OR2L13: variants seen among roughly 807,000 people sequenced by gnomAD.
The protein encoded by OR2L13 is olfactory receptor family 2 subfamily L member 13.
OR2L13 carries 14 observed loss-of-function variants against 15.3 expected under a neutral mutation model. That is an observed-to-expected ratio of 0.91 (90% CI 0.60 to 1.43). The LOEUF (loss-of-function observed/expected upper bound fraction) is 1.43, where lower values mean the gene tolerates loss of function less well. OR2L13 is among the 40% of genes most tolerant of loss of function. The pLI is 0.00. For synonymous variants in OR2L13, 152 were observed against 142.9 expected (o/e 1.06, Z -0.45); for missense variants, 367 against 387.9 (o/e 0.95, Z 0.45).
At chr1:247,943,156 A>G in the OR2L13 span, among the ~76,000 whole-genome samples, 1 of 152,244 alleles carries the variant, frequency 6.6e-6, no homozygotes, top group South Asian at 2.1e-4. Context: ...TAATGTTGCT[A>G]TAAACATGGG....
the OR2L13 span, among the ~76,000 whole-genome samples, chr1:248,008,075 G>T: frequency 2.6e-5 from 4 of 152,268 alleles, no homozygotes; most frequent in African/African-American, 9.6e-5. Flanking sequence ...AAGCTATAAA[G>T]ATTCCTCCAG....
the OR2L13 span, among the ~76,000 whole-genome samples, chr1:247,991,669 T>C: frequency 2.7e-5 from 4 of 149,516 alleles, no homozygotes; most frequent in Non-Finnish European, 4.4e-5. Context: ...GCCACTGGTA[T>C]TCTCGTGCAA....
the OR2L13 span, among the ~76,000 whole-genome samples, chr1:247,947,235 G>A: frequency 3.9e-5 from 6 of 152,114 alleles, no homozygotes; most frequent in South Asian, 1.2e-3. Context: ...CTGAAGAAAG[G>A]AATTTTGATC....
chr1:248,100,110 T>G, exon 3 of OR2L13: 1 of 1,614,106 alleles, frequency 6.2e-7, no homozygotes, highest in South Asian at 1.1e-5. Flanking sequence ...CACATTTAAC[T>G]GTAGTGATCT....
At chr1:248,078,168 A>G in the OR2L13 span, among the ~76,000 whole-genome samples, 1 of 152,184 alleles carries the variant, frequency 6.6e-6, no homozygotes, top group African/African-American at 2.4e-5. Context: ...GGTATTTCAA[A>G]AATTGCTAGT....
the OR2L13 span, among the ~76,000 whole-genome samples, chr1:248,027,680 C>A: frequency 1.8e-4 from 28 of 152,018 alleles, no homozygotes; most frequent in Non-Finnish European, 3.7e-4. Context: ...ATATATTGGG[C>A]CTAAAAATAA....
chr1:248,061,610 G>A, the OR2L13 span: 3 of 1,610,460 alleles, frequency 1.9e-6, no homozygotes, highest in African/African-American at 4.0e-5. Flanking sequence ...ATCTGCTCTG[G>A]GAAAATGTAG....
chr1:247,986,116 A>G, the OR2L13 span, among the ~76,000 whole-genome samples: 1 of 152,122 alleles, frequency 6.6e-6, no homozygotes, highest in Admixed American at 6.5e-5. Flanking sequence ...TAGTTTAATT[A>G]GATCCCATTT....
At chr1:248,079,063 A>C in the OR2L13 span, among the ~76,000 whole-genome samples, 3 of 151,972 alleles carry the variant, frequency 2.0e-5, no homozygotes, top group Non-Finnish European at 4.4e-5. Context: ...ATTGGGGCGA[A>C]GGTTACATAA....
At chr1:248,029,865 C>T in the OR2L13 span, among the ~76,000 whole-genome samples, 1 of 152,084 alleles carries the variant, frequency 6.6e-6, no homozygotes, top group African/African-American at 2.4e-5. Flanking sequence ...TTGAATTTAC[C>T]CTTGACATGC....
At chr1:247,985,532 C>T in the OR2L13 span, among the ~76,000 whole-genome samples, 1 of 152,116 alleles carries the variant, frequency 6.6e-6, no homozygotes, top group Non-Finnish European at 1.5e-5. Flanking sequence ...GGATTGGTTC[C>T]AAGTCTTTGC....
At chr1:248,050,457 C>T in the OR2L13 span, among the ~76,000 whole-genome samples, 2 of 152,092 alleles carry the variant, frequency 1.3e-5, no homozygotes, top group South Asian at 2.1e-4. Context: ...CTGTCAGGAA[C>T]CAGCCTTTAA....
chr1:247,941,683 T>C, the OR2L13 span, among the ~76,000 whole-genome samples: 1 of 151,770 alleles, frequency 6.6e-6, no homozygotes, highest in Non-Finnish European at 1.5e-5. Flanking sequence ...AGAGAGACCT[T>C]GTCATGAAAG....
At chr1:247,996,187 T>C in the OR2L13 span, among the ~76,000 whole-genome samples, 1 of 152,222 alleles carries the variant, frequency 6.6e-6, no homozygotes, top group Non-Finnish European at 1.5e-5. Flanking sequence ...CCATGGGCAA[T>C]TGAACCCTGT....
chr1:247,985,421 C>G, the OR2L13 span, among the ~76,000 whole-genome samples: 1 of 152,156 alleles, frequency 6.6e-6, no homozygotes, highest in African/African-American at 2.4e-5. Context: ...TCATCCATGT[C>G]CCTACAAAGG....
the OR2L13 span, among the ~76,000 whole-genome samples, chr1:247,978,835 C>T: frequency 5.9e-5 from 9 of 151,804 alleles, no homozygotes; most frequent in Non-Finnish European, 1.0e-4. Context: ...ACAGGCCACT[C>T]GGACCTGTCT....
At chr1:248,061,052 C>G in the OR2L13 span, 1 of 1,614,088 alleles carries the variant, frequency 6.2e-7, no homozygotes, top group Admixed American at 1.7e-5. Context: ...CGTTACATTG[C>G]TATTTGCTTT....
the OR2L13 span, among the ~76,000 whole-genome samples, chr1:248,073,245 G>A: frequency 6.6e-6 from 1 of 152,170 alleles, no homozygotes. Context: ...AACAATGATA[G>A]ACTGGATTAA....
At chr1:248,029,115 A>C in the OR2L13 span, 1 of 152,238 alleles carries the variant, frequency 6.6e-6, no homozygotes, top group Non-Finnish European at 1.5e-5. Flanking sequence ...TCAGTACATC[A>C]GATTGGCTGG....
Sources: gnomAD v4.1 joint callset for allele counts (sites outside exome capture counted in the v4.1 genomes callset) on GRCh38, gnomAD v4.1.1 for gene constraint, MANE v1.5 for transcripts, NCBI Gene and HGNC (gene_info 2026-07-23, HGNC 2026-07-21) for gene names.